ZNFX1: variants seen among roughly 807,000 people sequenced by gnomAD.
ZNFX1 encodes zinc finger NFX1-type containing 1.
In ZNFX1, 78 loss-of-function variants were observed where a neutral mutation model predicts 179.8. That is an observed-to-expected ratio of 0.43 (90% CI 0.36 to 0.52). The LOEUF (loss-of-function observed/expected upper bound fraction) is 0.52, where lower values mean the gene tolerates loss of function less well. Among genes scored for constraint, ZNFX1 ranks in the 20% least tolerant of loss-of-function variants. The probability of loss-of-function intolerance (pLI) is 0.00; values close to 1 mark genes in which losing one functional copy is unlikely to be tolerated. For missense variants in ZNFX1, 1,927 were observed against 2,386.6 expected, an observed-to-expected ratio of 0.81 and a Z score of 4.01; for synonymous variants, 848 against 868.5, an observed-to-expected ratio of 0.98 and a Z score of 0.42.
At chr20:49,271,893 C>T (rs1027469936) in intron 2 of ZNFX1, 143 bp from the exon 3 acceptor site, 2 of 959,190 alleles carry the variant, frequency 2.1e-6, no homozygotes, top group Admixed American at 6.0e-5. Context: ...TCTACCAAGT[C>T]ATATGATAAA....
At chr20:49,263,273 G>A in intron 6 of ZNFX1, 61 bp downstream of exon 6, 1 of 1,578,708 alleles carries the variant, frequency 6.3e-7, no homozygotes, top group Non-Finnish European at 8.6e-7. Context: ...TGCTTCTCCT[G>A]GAGGCTACCT....
intron 5 of ZNFX1, 143 bp downstream of exon 5, chr20:49,264,573 G>A (rs901791230): frequency 6.9e-6 from 7 of 1,015,442 alleles, no homozygotes; most frequent in Non-Finnish European, 4.4e-6. Context: ...GGGATTGGCA[G>A]AATAGAATGC....
intron 1 of ZNFX1, among the ~76,000 whole-genome samples, chr20:49,276,136 C>T (rs932462296): frequency 1.1e-4 from 17 of 152,200 alleles, no homozygotes; most frequent in African/African-American, 4.1e-4. Context: ...CTGGCACTTT[C>T]TTGGGGTAGA....
intron 3 of ZNFX1, among the ~76,000 whole-genome samples, chr20:49,266,973 C>T (rs962451371): frequency 1.6e-4 from 24 of 152,140 alleles, no homozygotes; most frequent in East Asian, 7.7e-4. Context: ...CTTGGCTCAC[C>T]GCAACCTCTG....
intron 5 of ZNFX1, among the ~76,000 whole-genome samples, chr20:49,263,877 A>G (rs576321464): frequency 2.4e-4 from 37 of 152,286 alleles, no homozygotes; most frequent in African/African-American, 8.9e-4. Context: ...ATTTTGGAAT[A>G]TTTGCGTTTA....
chr20:49,272,200 T>C (rs578275), intron 2 of ZNFX1, among the ~76,000 whole-genome samples: 126,094 of 147,612 alleles, frequency 0.85, 54,470 homozygotes, highest in African/African-American at 0.97. Flanking sequence ...TTTTTTGAGA[T>C]GGAATCTTGC....
Position 49,270,539 on chromosome 20 carries a change from C to T in ZNFX1, c.1273G>A (p.Gly425Ser). 2 of 1,614,232 alleles carry T rather than the reference C, an allele frequency of 1.2e-6. No homozygotes were observed. The highest frequency in any genetic ancestry group is 1.7e-6 in the Non-Finnish European group (2 of 1,180,052). ...RIITPMCSSS[G>S]IVYKVQFDTK... The stretch of plus-strand genomic sequence containing the variant: ...TCAAACTGCACCTTGTAGACTATGC[C>T]TGATGATGAACACATGGGGGTGATA... Residue 425 changes from glycine to serine, a missense_variant, in exon 3 of 14, where the codon GGC (glycine) becomes AGC (serine). By Grantham distance (56) the Gly-to-Ser change is moderately conservative. Transcript: ENST00000396105. The surrounding 1 kb of genome is among the most constrained non-coding windows in gnomAD (Gnocchi z 4.6).
At position 49,247,276 on chromosome 20, in the gene ZNFX1, C is replaced by G. The variant is rs761586932; in HGVS notation, c.5748G>C (p.Gly1916=). 10 of 1,604,398 alleles carry G rather than the reference C, an allele frequency of 6.2e-6. No individual in the cohort carries two copies. The highest frequency in any genetic ancestry group is 8.5e-6 in the Non-Finnish European group (10 of 1,173,896). The stretch of plus-strand genomic sequence containing the variant: ...GTGGTGTACCATCTTCCTACATCAT[C>G]CCCTGGATCTCCTCAAAGTTCATCA... ...NNLMNFEEIQ[G]MM The change falls in exon 14 of 14, where the codon GGG becomes GGC. Residue 1916 remains glycine, a synonymous_variant. Coordinates refer to ENST00000396105, the MANE Select transcript of ZNFX1 (RefSeq NM_021035.3).
In ZNFX1 at chr20:49,254,609, T is replaced by C; in HGVS notation, c.2845A>G (p.Ile949Val). 1 of 1,614,118 alleles carries C rather than the reference T, an allele frequency of 6.2e-7. No homozygotes were observed. Among genetic ancestry groups the C allele is most frequent in the Non-Finnish European group, 8.5e-7 (1 of 1,180,026 alleles). ...QLYQADTRRK[I>V]LSYERQYRTS... ...CGGTACTGGCGTTCATAGCTGAGGA[T>C]CTTCCGGCGGGTGTCAGCCTGGTAC... The change falls in exon 10 of 14, where the codon ATC becomes GTC. Residue 949 changes from isoleucine (I) to valine (V), a missense_variant. Coordinates refer to ENST00000396105, the MANE Select transcript of ZNFX1 (RefSeq NM_021035.3).
In ZNFX1 at chr20:49,257,415, A is replaced by G; in HGVS notation, c.2664+2T>C. On this transcript the variant is annotated splice_donor_variant, in intron 8 of 13. Transcript: ENST00000396105. LOFTEE classifies it high-confidence loss of function. ...TGTTTCAACCCAAGGAAGTGAGTTTACCTGCCACTCTCCTGTGGCTTGCTC... is the reference window on the plus strand; with the variant it reads ...TGTTTCAACCCAAGGAAGTGAGTTTGCCTGCCACTCTCCTGTGGCTTGCTC... 6.3e-7 allele frequency: 1 copy of G among 1,594,570 alleles called. No homozygotes were observed. Among genetic ancestry groups the G allele is most frequent in the Non-Finnish European group, 8.5e-7 (1 of 1,170,886 alleles).
At chr20:49,272,637 CACAGCCA>C (rs1981445773) in intron 2 of ZNFX1, among the ~76,000 whole-genome samples, 1 of 152,172 alleles carries the variant, frequency 6.6e-6, no homozygotes, top group African/African-American at 2.4e-5. Context: ...AAACAATTAT[CACAGCCA>C]ACAGAGACAT....
At chr20:49,276,218 C>T (rs6063385) in intron 1 of ZNFX1, among the ~76,000 whole-genome samples, 4 of 152,164 alleles carry the variant, frequency 2.6e-5, no homozygotes, top group African/African-American at 7.2e-5. Context: ...TAATCAGTTG[C>T]TAGGTTTCAT....
rs1244072715 is a variant in ZNFX1 at position 49,249,239 on chromosome 20, A to G, written c.3785T>C (p.Leu1262Pro). 1.9e-6 allele frequency: 3 copies of G among 1,614,074 alleles called. No homozygotes were observed. The African/African-American group carries it at 4.0e-5, about 22-fold the overall frequency. Residue 1262 changes from leucine (L) to proline (P), a missense_variant, in exon 14 of 14, where the codon CTC becomes CCC. By Grantham distance (98) the Leu-to-Pro change is moderately conservative (BLOSUM62 -3). Coordinates refer to ENST00000396105, the MANE Select transcript of ZNFX1 (RefSeq NM_021035.3). ...ENNQIGPMLR[L>P]CCQNHPETHT... Reference sequence around the variant, plus strand: ...GGTTTCAGGGTGGTTCTGGCAGCAGAGCCGGAGCATGGGGCCTATTTGATT... The same window carrying G: ...GGTTTCAGGGTGGTTCTGGCAGCAGGGCCGGAGCATGGGGCCTATTTGATT...
Position 49,257,348 on chromosome 20 carries a change from T to A in ZNFX1, c.2664+69A>T, listed in dbSNP as rs995707933. On this transcript the variant is annotated intron_variant, in intron 8 of 13. Transcript: ENST00000396105. ...GTAATGGTGAAGTGAATATACTGTATCAGAAGTGGGGGAAAACAAGCGGTC... is the reference window on the plus strand; with the variant it reads ...GTAATGGTGAAGTGAATATACTGTAACAGAAGTGGGGGAAAACAAGCGGTC... 12 of 1,590,228 alleles carry A rather than the reference T, an allele frequency of 7.5e-6. No homozygotes were observed. The Admixed American group carries it at 1.7e-4, about 22-fold the overall frequency.
Position 49,271,439 on chromosome 20 carries a change from G to C in ZNFX1, c.373C>G (p.Gln125Glu). 6.2e-7 allele frequency: 1 copy of C among 1,614,162 alleles called. No homozygotes were observed. Among genetic ancestry groups the C allele is most frequent in the Non-Finnish European group, 8.5e-7 (1 of 1,180,024 alleles). Residue 125 changes from glutamine to glutamate, a missense_variant, in exon 3 of 14, where the codon CAG (glutamine) becomes GAG (glutamate). Transcript: ENST00000396105. ...RRPPWSNDNF[Q>E]QWRTPHQKPT... ...TTCTGGTGGGGAGTCCGCCACTGCT[G>C]GAAGTTGTCATTGGACCATGGTGGT...
At chr20:49,253,529 G>T in intron 11 of ZNFX1, 137 bp downstream of exon 11, 2 of 1,019,514 alleles carry the variant, frequency 2.0e-6, no homozygotes, top group South Asian at 1.6e-5. Flanking sequence ...TAGACTGAAC[G>T]TGGGAGGTGA....
chr20:49,261,778 T>G lies in ZNFX1; in HGVS notation c.2302-1201A>C, dbSNP rs542235901. 7.9e-5 allele frequency among the ~76,000 whole-genome samples: 12 copies of G among 151,984 alleles called. 1 individual carries two copies. In the South Asian group the frequency reaches 2.1e-3, roughly 26 times the overall value. On this transcript the variant is annotated intron_variant, in intron 6 of 13. Transcript: ENST00000396105. The stretch of plus-strand genomic sequence containing the variant: ...CTCCTGCCTCAGCCTCCTGAGTAGC[T>G]GGGACTACAGGCGCCCGCCACCATG...
chr20:49,269,195 T>C (rs1242436366), intron 3 of ZNFX1, among the ~76,000 whole-genome samples: 2 of 152,220 alleles, frequency 1.3e-5, no homozygotes, highest in East Asian at 1.9e-4. Context: ...AAGAAAATCA[T>C]GTCCTTTGCA....
chr20:49,264,800 C>G lies in ZNFX1; in HGVS notation c.2067G>C (p.Leu689=), dbSNP rs781005746. 1.2e-6 allele frequency: 2 copies of G among 1,614,078 alleles called. No homozygotes were observed. The highest frequency in any genetic ancestry group is 1.7e-5 in the Admixed American group (1 of 60,000). The change falls in exon 5 of 14, where the codon CTG becomes CTC. Residue 689 remains leucine (L), a synonymous_variant. Transcript: ENST00000396105. The stretch of plus-strand genomic sequence containing the variant: ...TCAGCTCCCTTAGGGTGAACTGCTT[C>G]AGGATTTCACTGTTGCTCCTTCCAC... ...RVGGRSNSEI[L]KQFTLRELRN... is the part of the protein sequence containing the mutation.
Sources: gnomAD v4.1 joint callset for allele counts (sites outside exome capture counted in the v4.1 genomes callset) on GRCh38, gnomAD v4.1.1 for gene constraint, Gnocchi (gnomAD v3.1) non-coding constraint, MANE v1.5 for transcripts, NCBI Gene and HGNC (gene_info 2026-07-23, HGNC 2026-07-21) for gene names.